RRM2B: variants seen among roughly 807,000 people sequenced by gnomAD.
The protein encoded by RRM2B is ribonucleoside-diphosphate reductase subunit M2 B.
In RRM2B, 20 loss-of-function variants were observed where a neutral mutation model predicts 45.9. That is an observed-to-expected ratio of 0.44 (90% CI 0.31 to 0.63). The LOEUF is 0.63. RRM2B is among the 30% of genes least tolerant of loss of function. The pLI is 0.09. For synonymous variants in RRM2B, 124 were observed against 132.3 expected (o/e 0.94, Z 0.43); for missense variants, 320 against 414.7 (o/e 0.77, Z 1.98).
rs1432702866 is a variant in RRM2B at position 102,238,848 on chromosome 8, C to T, written c.27G>A (p.Ala9=). ...TTACCTCATCCTGATCCAGCCCGGC[C>T]GCTTCCGGCCTTTCCGGGTCGCCCA... MGDPERPE[A]AGLDQDERSS... The change falls in exon 1 of 9, where the codon GCG becomes GCA. Residue 9 remains alanine (A), a synonymous_variant. Coordinates refer to ENST00000251810, the MANE Select transcript of RRM2B (RefSeq NM_015713.5). 3 of 1,613,306 alleles carry T rather than the reference C, an allele frequency of 1.9e-6. No individual in the cohort carries two copies. Among genetic ancestry groups the T allele is most frequent in the Non-Finnish European group, 2.5e-6 (3 of 1,179,914 alleles).
At chr8:102,231,991 A>C (rs1432535945) in intron 2 of RRM2B, among the ~76,000 whole-genome samples, 158 bp downstream of exon 2, 2 of 152,256 alleles carry the variant, frequency 1.3e-5, no homozygotes, top group Non-Finnish European at 2.9e-5. Flanking sequence ...TCTAAACTAA[A>C]ACATTGAGAA....
chr8:102,232,080 A>G, intron 2 of RRM2B, 69 bp downstream of exon 2: 1 of 1,372,322 alleles, frequency 7.3e-7, no homozygotes, highest in Non-Finnish European at 1.0e-6. Context: ...AAGTTATTCA[A>G]TATCCTGTAA....
chr8:102,216,729 CA>C lies in RRM2B; in HGVS notation c.684+2084del, dbSNP rs576684831. Among the ~76,000 whole-genome samples the C allele has an allele frequency of 2.0e-4, 31 of 152,058 alleles. No homozygotes were observed. In the South Asian group the frequency reaches 4.4e-3, roughly 21 times the overall value. On this transcript the variant is annotated intron_variant, in intron 6 of 8. Transcript: ENST00000251810. Reference sequence around the variant, plus strand: ...AAAGTAGGCAACTACAGAAAAAATACAAATCACTAATATCATTATGAAAAAA... The same window carrying C: ...AAAGTAGGCAACTACAGAAAAAATACAATCACTAATATCATTATGAAAAAA...
At chr8:102,213,123 C>T (rs992305926) in intron 7 of RRM2B, among the ~76,000 whole-genome samples, 3 of 152,044 alleles carry the variant, frequency 2.0e-5, no homozygotes, top group Non-Finnish European at 4.4e-5. Flanking sequence ...AAACGAACTA[C>T]CAAATTACTG....
intron 5 of RRM2B, among the ~76,000 whole-genome samples, chr8:102,222,822 T>C (rs1281542603): frequency 2.1e-5 from 3 of 141,636 alleles, no homozygotes; most frequent in Non-Finnish European, 4.8e-5. Flanking sequence ...CATGCTATTC[T>C]TTTTTTTGGA....
intron 6 of RRM2B, among the ~76,000 whole-genome samples, chr8:102,215,683 T>C (rs1810717658): frequency 1.3e-5 from 2 of 152,022 alleles, no homozygotes; most frequent in Admixed American, 6.5e-5. Flanking sequence ...CGGGGGCTCA[T>C]GCCTGTAATC....
At chr8:102,231,600 G>A (rs1315519361) in intron 2 of RRM2B, among the ~76,000 whole-genome samples, 1 of 152,156 alleles carries the variant, frequency 6.6e-6, no homozygotes, top group Non-Finnish European at 1.5e-5. Flanking sequence ...GCTGGGCGTG[G>A]TGGCTCATGC....
rs28999682 is a variant in RRM2B, at chr8:102,235,583, G to A, written c.48+3244C>T. 3.3e-5 allele frequency among the ~76,000 whole-genome samples: 5 copies of A among 152,362 alleles called. No homozygotes were observed. The East Asian group carries it at 9.6e-4, about 29-fold the overall frequency. ...AGGCCCGGCGTGGTGCCTCACGCCTGTAATCCCAGCACTTTCGGAGGCCGA... is the reference window on the plus strand; with the variant it reads ...AGGCCCGGCGTGGTGCCTCACGCCTATAATCCCAGCACTTTCGGAGGCCGA... On this transcript the variant is annotated intron_variant, in intron 1 of 8. Coordinates refer to ENST00000251810, the MANE Select transcript of RRM2B (RefSeq NM_015713.5).
At chr8:102,219,784 C>T (rs1337794138) in intron 5 of RRM2B, among the ~76,000 whole-genome samples, 1 of 152,184 alleles carries the variant, frequency 6.6e-6, no homozygotes, top group Non-Finnish European at 1.5e-5. Context: ...ATACAGGCAG[C>T]TGAGTGCTTG....
At chr8:102,235,764 A>AAG (rs769416987) in intron 1 of RRM2B, among the ~76,000 whole-genome samples, 2 of 152,190 alleles carry the variant, frequency 1.3e-5, no homozygotes, top group Non-Finnish European at 2.9e-5. Context: ...ACTTGAACCC[A>AAG]AGAGGCAGAG....
chr8:102,233,959 T>A (rs1024086838), intron 1 of RRM2B, among the ~76,000 whole-genome samples: 2 of 152,230 alleles, frequency 1.3e-5, no homozygotes, highest in African/African-American at 2.4e-5. Context: ...TAGCTAGGAC[T>A]ATGTGCACAC....
At chr8:102,217,257 G>C (rs1317083386) in intron 6 of RRM2B, among the ~76,000 whole-genome samples, 1 of 151,932 alleles carries the variant, frequency 6.6e-6, no homozygotes, top group Non-Finnish European at 1.5e-5. Context: ...ATTAAAATAT[G>C]TTTATATATC....
In RRM2B at chr8:102,212,819, T is replaced by G. The variant is rs1330600568; in HGVS notation, c.860A>C (p.Glu287Ala). The G allele has an allele frequency of 6.2e-7, 1 of 1,611,350 alleles. No homozygotes were observed. The highest frequency in any genetic ancestry group is 8.5e-7 in the Non-Finnish European group (1 of 1,177,732). Residue 287 changes from glutamate to alanine, a missense_variant, in exon 8 of 9, where the codon GAG becomes GCG. Physicochemically the swap from Glu to Ala is moderately radical, Grantham distance 107. This residue lies in a region of RRM2B where 47 missense variants were observed against 90.0 expected (regional missense o/e 0.52). Coordinates refer to ENST00000251810, the MANE Select transcript of RRM2B (RefSeq NM_015713.5). Reference sequence around the variant, plus strand: ...CACAAGTAATCTGTCAGCTACAAACTCAATGTACTGTTTCATCAAAATGCA... The same window carrying G: ...CACAAGTAATCTGTCAGCTACAAACGCAATGTACTGTTTCATCAAAATGCA... ...MNCILMKQYI[E>A]FVADRLLVEL...
At chr8:102,235,775 G>A (rs967438768) in intron 1 of RRM2B, among the ~76,000 whole-genome samples, 2 of 152,126 alleles carry the variant, frequency 1.3e-5, no homozygotes, top group East Asian at 1.9e-4. Flanking sequence ...AGAGGCAGAG[G>A]TTGCAGTGAG....
intron 4 of RRM2B, 150 bp from the exon 5 acceptor site, chr8:102,224,290 T>C (rs1377535408): frequency 3.3e-6 from 2 of 607,934 alleles, no homozygotes; most frequent in Non-Finnish European, 6.0e-6. Context: ...CATGCCATTC[T>C]CCTGCCTCAG....
chr8:102,220,397 C>G (rs566110776), intron 5 of RRM2B, among the ~76,000 whole-genome samples: 1 of 152,196 alleles, frequency 6.6e-6, no homozygotes, highest in African/African-American at 2.4e-5. Context: ...GGAAAGTAGA[C>G]TATAATTAAA....
rs1435093201 is a variant in RRM2B at position 102,219,290 on chromosome 8, A to ATG, written c.551-345_551-344dup. On this transcript the variant is annotated intron_variant, in intron 5 of 8. Transcript: ENST00000251810. ...GCACATGTGTGCAGTATGTATACATATGTGTGTGTGTGTACTGGAGAGTAG... is the reference window on the plus strand; with the variant it reads ...GCACATGTGTGCAGTATGTATACATATGTGTGTGTGTGTGTACTGGAGAGTAG... 4.6e-5 allele frequency among the ~76,000 whole-genome samples: 7 copies of ATG among 151,928 alleles called. No individual in the cohort carries two copies. The South Asian group carries it at 1.2e-3, about 27-fold the overall frequency.
intron 8 of RRM2B, among the ~76,000 whole-genome samples, chr8:102,210,620 G>A (rs1222076552): frequency 2.0e-5 from 3 of 152,016 alleles, no homozygotes; most frequent in African/African-American, 7.2e-5. Flanking sequence ...CCACCACCAT[G>A]CCCAGCTAAT....
At chr8:102,225,086 C>G (rs1810907233) in intron 3 of RRM2B, 68 bp from the exon 4 acceptor site, 2 of 1,546,130 alleles carry the variant, frequency 1.3e-6, no homozygotes, top group Non-Finnish European at 1.8e-6. Flanking sequence ...AAATCAGAAT[C>G]TGGACATCAG....
Sources: allele counts gnomAD v4.1 joint callset (sites outside exome capture counted in the v4.1 genomes callset), GRCh38; gene constraint gnomAD v4.1.1; regional missense constraint gnomAD v4.1.1; transcripts MANE v1.5; gene names NCBI Gene and HGNC (gene_info 2026-07-23, HGNC 2026-07-21).